Variants in EXOC4 observed in about 807,000 individuals in gnomAD.
EXOC4 encodes the protein exocyst complex component 4.
EXOC4 carries 71 observed loss-of-function variants against 107.2 expected under a neutral mutation model. The ratio of observed to expected loss-of-function variants is 0.66; its 90% CI spans 0.55 to 0.81. The LOEUF is 0.81. EXOC4 is among the 30% of genes least tolerant of loss of function. The pLI is 0.00. For synonymous variants in EXOC4, 456 were observed against 441.2 expected (o/e 1.03, Z -0.42); for missense variants, 1,108 against 1,189.6 (o/e 0.93, Z 1.01).
chr7:133,356,208 G>A lies in EXOC4; in HGVS notation c.764-122G>A, dbSNP rs1369399531. 14 of 1,006,322 alleles carry A rather than the reference G, an allele frequency of 1.4e-5. No individual in the cohort carries two copies. The East Asian group carries it at 3.3e-4, about 23-fold the overall frequency. 62.3% of individuals were successfully genotyped at this position (1,006,322 alleles called of 1,614,324 possible). On this transcript the variant is annotated intron_variant, in intron 5 of 17. Transcript: ENST00000253861. ...GTTACTGTGCAAATATAATTTAATT[G>A]AAAAATCCTCTTTAATTCTTTAAGA...
chr7:133,416,527 A>T (rs555976702), intron 7 of EXOC4, among the ~76,000 whole-genome samples: 23 of 152,188 alleles, frequency 1.5e-4, no homozygotes, highest in African/African-American at 5.6e-4. Flanking sequence ...ATGCATAAGT[A>T]AATATATCTT....
intron 10 of EXOC4, among the ~76,000 whole-genome samples, chr7:133,803,187 C>T (rs1032771311): frequency 2.0e-5 from 3 of 152,060 alleles, no homozygotes; most frequent in South Asian, 2.1e-4. Flanking sequence ...GAAATTTTTT[C>T]GCAAGTTTTA....
intron 10 of EXOC4, among the ~76,000 whole-genome samples, chr7:133,738,078 G>GT (rs1795486735): frequency 6.6e-6 from 1 of 151,316 alleles, no homozygotes. Flanking sequence ...TGCCAGGCTA[G>GT]TTTTTGTGTT....
chr7:133,685,690 T>C (rs1562907092), intron 10 of EXOC4, among the ~76,000 whole-genome samples: 1 of 152,184 alleles, frequency 6.6e-6, no homozygotes, highest in Non-Finnish European at 1.5e-5. Flanking sequence ...CTAGGCCGAC[T>C]TGAGAAAGAA....
intron 13 of EXOC4, among the ~76,000 whole-genome samples, chr7:133,933,978 A>G (rs1800239498): frequency 6.6e-6 from 1 of 151,994 alleles, no homozygotes; most frequent in Non-Finnish European, 1.5e-5. Context: ...TAGATATCCA[A>G]CCTTTTTTCT....
At chr7:133,440,920 T>G (rs960948914) in intron 7 of EXOC4, among the ~76,000 whole-genome samples, 2 of 152,342 alleles carry the variant, frequency 1.3e-5, no homozygotes, top group South Asian at 2.1e-4. Flanking sequence ...CTTTACTTTC[T>G]TAATAAAACT....
intron 9 of EXOC4, among the ~76,000 whole-genome samples, chr7:133,579,880 G>A (rs1328486651): frequency 1.4e-5 from 2 of 147,966 alleles, no homozygotes; most frequent in Non-Finnish European, 3.1e-5. Flanking sequence ...TTGAGATGGG[G>A]TTTCACCATG....
chr7:134,022,173 T>C (rs1795044799), intron 17 of EXOC4, among the ~76,000 whole-genome samples: 2 of 152,236 alleles, frequency 1.3e-5, no homozygotes, highest in South Asian at 4.1e-4. Flanking sequence ...CTGTTCTATG[T>C]GTGTGGCAGT....
chr7:133,431,188 G>T (rs1797848488), intron 7 of EXOC4, among the ~76,000 whole-genome samples: 1 of 152,152 alleles, frequency 6.6e-6, no homozygotes, highest in Admixed American at 6.5e-5. Context: ...TGTTCTTCCT[G>T]AACTTCATGG....
Position 133,903,293 on chromosome 7 carries a change from T to G in EXOC4, c.1871+7558T>G, listed in dbSNP as rs139522460. Among the ~76,000 whole-genome samples the G allele has an allele frequency of 1.5e-3, 228 of 152,296 alleles. 2 individuals are homozygous for G. The highest frequency in any genetic ancestry group is 5.2e-3 in the African/African-American group (215 of 41,554). On this transcript the variant is annotated intron_variant, in intron 12 of 17. Coordinates refer to ENST00000253861, the MANE Select transcript of EXOC4 (RefSeq NM_021807.4). ...AGGAGCAGCATGATCTTACATATATTTTAAATTTTAAGTATTGAAAATAGG... is the reference window on the plus strand; with the variant it reads ...AGGAGCAGCATGATCTTACATATATGTTAAATTTTAAGTATTGAAAATAGG...
intron 9 of EXOC4, among the ~76,000 whole-genome samples, chr7:133,501,562 C>A (rs1428417155): frequency 6.6e-6 from 1 of 152,126 alleles, no homozygotes; most frequent in Non-Finnish European, 1.5e-5. Flanking sequence ...GGGAGAAGCT[C>A]AAACCTTGTC....
chr7:133,730,570 C>A (rs779410368), intron 10 of EXOC4, among the ~76,000 whole-genome samples: 4 of 152,080 alleles, frequency 2.6e-5, no homozygotes, highest in Non-Finnish European at 5.9e-5. Flanking sequence ...TTCACATTCG[C>A]TTTGGGATGC....
At chr7:133,309,653 A>G (rs926250436) in intron 4 of EXOC4, among the ~76,000 whole-genome samples, 3 of 152,172 alleles carry the variant, frequency 2.0e-5, no homozygotes, top group Non-Finnish European at 4.4e-5. Context: ...GTGGAAAAAA[A>G]GGTCAGCCGG....
chr7:133,874,400 G>A (rs1454288575), intron 11 of EXOC4, among the ~76,000 whole-genome samples: 1 of 152,184 alleles, frequency 6.6e-6, no homozygotes, highest in Non-Finnish European at 1.5e-5. Context: ...AAGTTCATTA[G>A]TTCTTCTCAA....
intron 13 of EXOC4, among the ~76,000 whole-genome samples, chr7:133,926,118 T>TCAG (rs1020796662): frequency 4.0e-5 from 6 of 151,056 alleles, no homozygotes; most frequent in African/African-American, 1.5e-4. Flanking sequence ...ATAAGAGTGG[T>TCAG]CAGTGCCTGG....
chr7:133,670,106 G>A (rs1793912999), intron 10 of EXOC4, among the ~76,000 whole-genome samples: 1 of 152,126 alleles, frequency 6.6e-6, no homozygotes, highest in South Asian at 2.1e-4. Context: ...TGTGGCGAGG[G>A]TGTTTCTTTG....
chr7:134,021,521 T>G (rs1284150287), intron 17 of EXOC4, among the ~76,000 whole-genome samples: 5 of 152,162 alleles, frequency 3.3e-5, no homozygotes, highest in African/African-American at 1.2e-4. Context: ...TGCTGTAGTT[T>G]TCCAATTGAT....
Position 133,680,582 on chromosome 7 carries a change from C to G in EXOC4, c.1514+50441C>G, listed in dbSNP as rs565290071. Among the ~76,000 whole-genome samples the G allele has an allele frequency of 3.3e-5, 5 of 152,336 alleles. No homozygotes were observed. In the South Asian group the frequency reaches 1.0e-3, roughly 32 times the overall value. On this transcript the variant is annotated intron_variant, in intron 10 of 17. Transcript: ENST00000253861. ...CTGACTTCATTTTCAAGCAAGAACT[C>G]TCCACCCCCATCTTGTAAGGAAAAA... is the stretch of plus-strand genomic sequence containing the variant.
intron 9 of EXOC4, among the ~76,000 whole-genome samples, chr7:133,514,105 T>G (rs1799825548): frequency 6.6e-6 from 1 of 152,210 alleles, no homozygotes; most frequent in Non-Finnish European, 1.5e-5. Context: ...TTTATTTCTA[T>G]TGTGTAATCA....
Sources: allele counts gnomAD v4.1 joint callset (sites outside exome capture counted in the v4.1 genomes callset), GRCh38; gene constraint gnomAD v4.1.1; transcripts MANE v1.5; gene names NCBI Gene and HGNC (gene_info 2026-07-23, HGNC 2026-07-21).